LHFPL6: variants seen among roughly 807,000 people sequenced by gnomAD.
LHFPL6 encodes the protein LHFPL tetraspan subfamily member 6 protein.
Under a neutral mutation model 20.6 loss-of-function variants are expected in LHFPL6, and 9 were observed. The ratio of observed to expected loss-of-function variants is 0.44; its 90% CI spans 0.26 to 0.76. The LOEUF (loss-of-function observed/expected upper bound fraction) is 0.76. Among genes scored for constraint, LHFPL6 ranks in the 30% least tolerant of loss-of-function variants. The pLI is 0.20. For missense variants in LHFPL6, 218 were observed against 253.5 expected (o/e 0.86, Z 0.95); for synonymous variants, 105 against 98.7 (o/e 1.06, Z -0.38).
At chr13:39,545,307 T>C (rs934430297) in intron 2 of LHFPL6, among the ~76,000 whole-genome samples, 2 of 149,696 alleles carry the variant, frequency 1.3e-5, no homozygotes, top group East Asian at 3.9e-4. Flanking sequence ...ACAGAACAAG[T>C]GCAGAGGGAA....
chr13:39,368,946 G>A (rs896009596), intron 3 of LHFPL6, among the ~76,000 whole-genome samples: 2 of 152,004 alleles, frequency 1.3e-5, no homozygotes, highest in African/African-American at 2.4e-5. Flanking sequence ...TATATATTCT[G>A]GCTGAAATGA....
At chr13:39,525,460 C>A (rs1036981366) in intron 2 of LHFPL6, among the ~76,000 whole-genome samples, 1 of 152,152 alleles carries the variant, frequency 6.6e-6, no homozygotes, top group South Asian at 2.1e-4. Flanking sequence ...GGCAATAAAT[C>A]TCTCTGCATT....
At chr13:39,385,670 G>A (rs1870546175) in intron 2 of LHFPL6, among the ~76,000 whole-genome samples, 1 of 152,198 alleles carries the variant, frequency 6.6e-6, no homozygotes, top group South Asian at 2.1e-4. Flanking sequence ...TAAGAACCTG[G>A]GGCTGGGAAT....
At chr13:39,416,101 T>C (rs982545134) in intron 2 of LHFPL6, among the ~76,000 whole-genome samples, 5 of 152,144 alleles carry the variant, frequency 3.3e-5, no homozygotes, top group African/African-American at 1.2e-4. Flanking sequence ...CAAATGTAAA[T>C]TGCAACAGAA....
chr13:39,431,448 C>T (rs1338147509), intron 2 of LHFPL6, among the ~76,000 whole-genome samples: 3 of 152,192 alleles, frequency 2.0e-5, no homozygotes, highest in Non-Finnish European at 4.4e-5. Context: ...CAATTCTGAA[C>T]ACAACACCTA....
intron 2 of LHFPL6, among the ~76,000 whole-genome samples, chr13:39,584,490 A>C (rs887325636): frequency 7.6e-5 from 11 of 145,142 alleles, no homozygotes; most frequent in African/African-American, 2.9e-4. Context: ...GCGCCATTGC[A>C]CTCCAGCCTG....
intron 2 of LHFPL6, among the ~76,000 whole-genome samples, chr13:39,553,518 C>A (rs1871204247): frequency 6.6e-6 from 1 of 152,038 alleles, no homozygotes; most frequent in Admixed American, 6.5e-5. Context: ...TCAAGACCAG[C>A]CTGAGCAACA....
At chr13:39,383,415 G>T (rs1870490190) in intron 2 of LHFPL6, among the ~76,000 whole-genome samples, 1 of 152,212 alleles carries the variant, frequency 6.6e-6, no homozygotes, top group African/African-American at 2.4e-5. Context: ...TAAATGTTAA[G>T]TTAATTAAGA....
intron 2 of LHFPL6, among the ~76,000 whole-genome samples, chr13:39,414,647 T>C (rs1871306161): frequency 6.6e-6 from 1 of 152,198 alleles, no homozygotes; most frequent in Admixed American, 6.5e-5. Flanking sequence ...TTCAAGCTGC[T>C]GTGGGCTTAT....
chr13:39,470,602 A>T (rs1872919018), intron 2 of LHFPL6, among the ~76,000 whole-genome samples: 1 of 152,182 alleles, frequency 6.6e-6, no homozygotes, highest in South Asian at 2.1e-4. Flanking sequence ...TTACTAAGCA[A>T]AGGAATGAGT....
intron 2 of LHFPL6, among the ~76,000 whole-genome samples, chr13:39,468,051 T>C (rs1872847698): frequency 6.6e-6 from 1 of 152,194 alleles, no homozygotes; most frequent in African/African-American, 2.4e-5. Flanking sequence ...GTCAAATTAA[T>C]ATACTTGTTC....
intron 2 of LHFPL6, among the ~76,000 whole-genome samples, chr13:39,563,481 A>T (rs1368084485): frequency 6.6e-6 from 1 of 152,174 alleles, no homozygotes; most frequent in Non-Finnish European, 1.5e-5. Context: ...ACTTATACAG[A>T]TCAAATAGGT....
At chr13:39,388,421 A>C (rs948285039) in intron 2 of LHFPL6, among the ~76,000 whole-genome samples, 2 of 152,186 alleles carry the variant, frequency 1.3e-5, no homozygotes, top group Non-Finnish European at 2.9e-5. Context: ...GGAGAAAAAA[A>C]ATAAAGTTGT....
At chr13:39,409,182 G>A (rs746057748) in intron 2 of LHFPL6, among the ~76,000 whole-genome samples, 1 of 152,064 alleles carries the variant, frequency 6.6e-6, no homozygotes. Context: ...TGCCAGACGC[G>A]GTGGCTCACA....
At chr13:39,460,957 T>C (rs935403283) in intron 2 of LHFPL6, among the ~76,000 whole-genome samples, 3 of 152,170 alleles carry the variant, frequency 2.0e-5, no homozygotes, top group African/African-American at 4.8e-5. Flanking sequence ...TAATACCTGA[T>C]AGGTAGTTTT....
At chr13:39,454,577 C>T (rs1872524034) in intron 2 of LHFPL6, among the ~76,000 whole-genome samples, 1 of 29,494 alleles carries the variant, frequency 3.4e-5, no homozygotes, top group African/African-American at 3.3e-4. Context: ...TACAGTGAGC[C>T]GAGATCCCGC....
At chr13:39,441,291 C>T (rs1300550584) in intron 2 of LHFPL6, among the ~76,000 whole-genome samples, 1 of 151,550 alleles carries the variant, frequency 6.6e-6, no homozygotes. Flanking sequence ...TGGCCCCTGC[C>T]TTGTTAAATG....
intron 3 of LHFPL6, among the ~76,000 whole-genome samples, chr13:39,371,254 C>T (rs1870160310): frequency 6.6e-6 from 1 of 152,142 alleles, no homozygotes; most frequent in Admixed American, 6.5e-5. Context: ...ATTTACTTGG[C>T]AAAATAGCGA....
chr13:39,443,340 G>A (rs1333249315), intron 2 of LHFPL6, among the ~76,000 whole-genome samples: 1 of 152,100 alleles, frequency 6.6e-6, no homozygotes, highest in African/African-American at 2.4e-5. Flanking sequence ...TCCAGACCAT[G>A]AGCAGAATAC....
Sources: allele counts gnomAD v4.1 joint callset (sites outside exome capture counted in the v4.1 genomes callset), GRCh38; gene constraint gnomAD v4.1.1; transcripts MANE v1.5; gene names NCBI Gene and HGNC (gene_info 2026-07-23, HGNC 2026-07-21).